The following EDARADD variants were observed in gnomAD, a reference collection of about 807,000 sequenced individuals.
EDARADD encodes the protein EDAR associated via death domain.
EDARADD carries 20 observed loss-of-function variants against 25.6 expected under a neutral mutation model. The observed-to-expected ratio is 0.78, with a 90% CI of 0.55 to 1.14. EDARADD has a LOEUF of 1.14. Ranked by LOEUF, EDARADD falls within the 50% of genes most tolerant of loss-of-function variation. EDARADD has a pLI of 0.00. For synonymous variants in EDARADD, 86 were observed against 94.4 expected, an observed-to-expected ratio of 0.91 and a Z score of 0.52; for missense variants, 225 against 270.1, an observed-to-expected ratio of 0.83 and a Z score of 1.17.
At chr1:236,385,581 C>T (rs533042980) in intron 3 of EDARADD, among the ~76,000 whole-genome samples, 6 of 150,750 alleles carry the variant, frequency 4.0e-5, no homozygotes, top group Non-Finnish European at 3.0e-5. Flanking sequence ...AAAATTAGTT[C>T]GGTGTGGTGA....
chr1:236,391,551 C>T (rs1667425796), upstream of EDARADD, among the ~76,000 whole-genome samples: 1 of 152,170 alleles, frequency 6.6e-6, no homozygotes, highest in South Asian at 2.1e-4. Context: ...GTGGTTCTAG[C>T]CACTTTTCTG....
chr1:236,384,108 T>C (rs1055522279), intron 3 of EDARADD, among the ~76,000 whole-genome samples: 3 of 152,236 alleles, frequency 2.0e-5, no homozygotes, highest in East Asian at 1.9e-4. Context: ...CCATACCCCA[T>C]TGATGAATGC....
chr1:236,468,268 C>T lies in EDARADD; in HGVS notation c.257C>T (p.Pro86Leu), dbSNP rs1659270612. The T allele has an allele frequency of 6.2e-7, 1 of 1,614,018 alleles. No homozygotes were observed. The highest frequency in any genetic ancestry group is 8.5e-7 in the Non-Finnish European group (1 of 1,179,912). ...ENGFPDSTGD[P>L]LPEISKDNSC... Reference sequence around the variant, plus strand: ...GGCTTTCCAGATAGCACTGGAGATCCTCTTCCAGGTAAATGATTGATTCTA... The same window carrying T: ...GGCTTTCCAGATAGCACTGGAGATCTTCTTCCAGGTAAATGATTGATTCTA... Residue 86 changes from proline (P) to leucine (L), a missense_variant, in exon 5 of 6, where the codon CCT becomes CTT. Transcript: ENST00000334232.
At chr1:236,442,926 A>G (rs2103023140) in intron 4 of EDARADD, among the ~76,000 whole-genome samples, 1 of 152,288 alleles carries the variant, frequency 6.6e-6, no homozygotes, top group South Asian at 2.1e-4. Flanking sequence ...TAGTTGGGAG[A>G]GGTGGAGCCT....
chr1:236,465,259 C>G (rs559492929), intron 4 of EDARADD, among the ~76,000 whole-genome samples: 1 of 152,328 alleles, frequency 6.6e-6, no homozygotes, highest in African/African-American at 2.4e-5. Flanking sequence ...GTCTTAGACA[C>G]CCCCTGAGGA....
At chr1:236,373,453 G>C (rs1405099645) in intron 3 of EDARADD, among the ~76,000 whole-genome samples, 1 of 152,172 alleles carries the variant, frequency 6.6e-6, no homozygotes, top group African/African-American at 2.4e-5. Flanking sequence ...TGAATCACCT[G>C]CCTTGGCCTC....
chr1:236,381,677 T>A (rs1667300595), intron 3 of EDARADD, among the ~76,000 whole-genome samples: 1 of 151,976 alleles, frequency 6.6e-6, no homozygotes. Flanking sequence ...CATATTTTTC[T>A]GTCAATTCTT....
chr1:236,401,549 C>A (rs1215935386), intron 1 of EDARADD, among the ~76,000 whole-genome samples: 1 of 152,152 alleles, frequency 6.6e-6, no homozygotes, highest in Non-Finnish European at 1.5e-5. Context: ...ACGTGTTTCC[C>A]AGCATTCCTG....
intron 5 of EDARADD, among the ~76,000 whole-genome samples, chr1:236,480,114 T>C (rs1659629253): frequency 1.1e-5 from 1 of 88,254 alleles, no homozygotes; most frequent in Admixed American, 1.2e-4. Flanking sequence ...TATATATATA[T>C]ATATATATAT....
At chr1:236,441,976 G>A (rs1375742123) in intron 4 of EDARADD, among the ~76,000 whole-genome samples, 2 of 152,172 alleles carry the variant, frequency 1.3e-5, no homozygotes, top group Non-Finnish European at 2.9e-5. Context: ...AAAGCAGTAA[G>A]TGCTGATAGA....
At chr1:236,401,780 T>C (rs1667615639) in intron 1 of EDARADD, among the ~76,000 whole-genome samples, 1 of 152,164 alleles carries the variant, frequency 6.6e-6, no homozygotes, top group Non-Finnish European at 1.5e-5. Flanking sequence ...AAGTTGGAAT[T>C]CCTAGTACCT....
chr1:236,348,669 A>G (rs1666879866), intron 1 of EDARADD: 1 of 152,198 alleles, frequency 6.6e-6, no homozygotes, highest in Non-Finnish European at 1.5e-5. Flanking sequence ...GACTTGTAGG[A>G]TCCTGGAGTA....
At chr1:236,362,079 A>T (rs1433267716) in intron 3 of EDARADD, among the ~76,000 whole-genome samples, 1 of 151,994 alleles carries the variant, frequency 6.6e-6, no homozygotes, top group Non-Finnish European at 1.5e-5. Flanking sequence ...TGGTATTGTC[A>T]TCTGTTTCTT....
At chr1:236,363,002 AAAAAATATAT>A (rs1376324806) in intron 3 of EDARADD, among the ~76,000 whole-genome samples, 3 of 58,208 alleles carry the variant, frequency 5.2e-5, no homozygotes, top group East Asian at 1.6e-3. Context: ...AAAAAAAAAA[AAAAAATATAT>A]ATATATATAT....
At chr1:236,394,824 T>C (rs1667484913) in intron 1 of EDARADD, among the ~76,000 whole-genome samples, 1 of 152,302 alleles carries the variant, frequency 6.6e-6, no homozygotes, top group South Asian at 2.1e-4. Flanking sequence ...AAGTAATGGG[T>C]ATAAAACCCC....
At chr1:236,402,150 T>A (rs1667625031) in intron 1 of EDARADD, among the ~76,000 whole-genome samples, 1 of 152,202 alleles carries the variant, frequency 6.6e-6, no homozygotes, top group African/African-American at 2.4e-5. Flanking sequence ...TTAATAGAGA[T>A]GGGGTTTTCC....
chr1:236,419,679 G>A (rs1372910958), intron 3 of EDARADD, among the ~76,000 whole-genome samples: 1 of 152,170 alleles, frequency 6.6e-6, no homozygotes, highest in Non-Finnish European at 1.5e-5. Context: ...TGAGAGCGAG[G>A]CAAGCCTGGG....
At position 236,455,441 on chromosome 1, in the gene EDARADD, A is replaced by G. The variant is rs375175068; in HGVS notation, c.220-12790A>G. On this transcript the variant is annotated intron_variant, in intron 4 of 5. Coordinates refer to ENST00000334232, the MANE Select transcript of EDARADD (RefSeq NM_145861.4). ...TATGCAGGAATCCCTTCAAGCTCCA[A>G]CAAGATCTGTTTAATAGACTGGAGA... 3.9e-4 allele frequency among the ~76,000 whole-genome samples: 60 copies of G among 152,332 alleles called. 1 individual carries two copies. The East Asian group carries it at 0.01, about 25-fold the overall frequency.
intron 3 of EDARADD, among the ~76,000 whole-genome samples, chr1:236,381,800 G>GTTTTTTTT (rs1558105353): frequency 1.5e-3 from 26 of 16,892 alleles, no homozygotes; most frequent in South Asian, 4.3e-3. Context: ...TCCTGTGGTT[G>GTTTTTTTT]CTTTTTTTTT....
Sources: allele counts gnomAD v4.1 joint callset (sites outside exome capture counted in the v4.1 genomes callset), GRCh38; gene constraint gnomAD v4.1.1; transcripts MANE v1.5; gene names NCBI Gene and HGNC (gene_info 2026-07-23, HGNC 2026-07-21).